The following IQUB variants were observed in gnomAD, a reference collection of about 807,000 sequenced individuals.
IQUB encodes the protein IQ motif and ubiquitin domain containing, also known as IQ motif and ubiquitin-like domain-containing protein.
A neutral mutation model predicts 86.4 loss-of-function variants in IQUB; 86 were observed. The ratio of observed to expected loss-of-function variants is 1.00; its 90% CI spans 0.84 to 1.19. The LOEUF (loss-of-function observed/expected upper bound fraction) is 1.19, where lower values mean the gene tolerates loss of function less well. IQUB is among the 50% of genes most tolerant of loss of function. The probability of loss-of-function intolerance (pLI) is 0.00; values close to 1 mark genes in which losing one functional copy is unlikely to be tolerated. For missense variants in IQUB, 946 were observed against 916.9 expected, an observed-to-expected ratio of 1.03 and a Z score of -0.41; for synonymous variants, 289 against 304.5, an observed-to-expected ratio of 0.95 and a Z score of 0.53.
At chr7:123,458,909 A>G (rs1793845916) in intron 11 of IQUB, among the ~76,000 whole-genome samples, 1 of 151,996 alleles carries the variant, frequency 6.6e-6, no homozygotes, top group Admixed American at 6.6e-5. Context: ...TACTTTTTAT[A>G]TATATTAACT....
intron 1 of IQUB, among the ~76,000 whole-genome samples, chr7:123,514,333 CAAGT>C: frequency 6.6e-6 from 1 of 152,164 alleles, no homozygotes; most frequent in East Asian, 1.9e-4. Flanking sequence ...GAAGCATTTA[CAAGT>C]TAGTTACTAA....
intron 1 of IQUB, among the ~76,000 whole-genome samples, chr7:123,528,889 T>A (rs895953033): frequency 1.3e-5 from 2 of 152,224 alleles, no homozygotes; most frequent in African/African-American, 2.4e-5. Flanking sequence ...CATATGTACA[T>A]ATTAATATGC....
chr7:123,477,727 A>G (rs1265415128), intron 8 of IQUB, among the ~76,000 whole-genome samples: 2 of 152,212 alleles, frequency 1.3e-5, no homozygotes, highest in Non-Finnish European at 2.9e-5. Flanking sequence ...TCTACACAGA[A>G]CTTAAACAAA....
intron 1 of IQUB, among the ~76,000 whole-genome samples, chr7:123,519,176 A>G (rs911099834): frequency 6.6e-6 from 1 of 152,196 alleles, no homozygotes; most frequent in Non-Finnish European, 1.5e-5. Context: ...GCAAGGATGC[A>G]AAGAAAGGGG....
At chr7:123,509,397 T>C (rs1204352290) in intron 3 of IQUB, among the ~76,000 whole-genome samples, 1 of 152,120 alleles carries the variant, frequency 6.6e-6, no homozygotes, top group Non-Finnish European at 1.5e-5. Context: ...CACATTCTCT[T>C]TCATCATCCA....
intron 11 of IQUB, among the ~76,000 whole-genome samples, chr7:123,459,427 T>A (rs1793880939): frequency 6.6e-6 from 1 of 151,952 alleles, no homozygotes; most frequent in African/African-American, 2.4e-5. Flanking sequence ...TCCAATCAGT[T>A]GAAGGCCTGA....
rs182996963 is a variant in IQUB, at chr7:123,519,231, T to C, written c.-4-6887A>G. Among the ~76,000 whole-genome samples, 543 of 152,298 alleles carry C rather than the reference T, an allele frequency of 3.6e-3. 3 individuals are homozygous for C. Among genetic ancestry groups the C allele is most frequent in the Non-Finnish European group, 5.8e-3 (394 of 68,026 alleles). Reference sequence around the variant, plus strand: ...CGGGAAATGTAAATTACTACAGCCATTGTAGAAAACAGCAGGAAGTTTCCT... The same window carrying C: ...CGGGAAATGTAAATTACTACAGCCACTGTAGAAAACAGCAGGAAGTTTCCT... On this transcript the variant is annotated intron_variant, in intron 1 of 12. Transcript: ENST00000324698.
intron 1 of IQUB, among the ~76,000 whole-genome samples, chr7:123,522,193 T>C (rs768349900): frequency 1.3e-5 from 2 of 151,868 alleles, no homozygotes; most frequent in Non-Finnish European, 2.9e-5. Context: ...CTTTCTTTGG[T>C]TTACTGTAAA....
At position 123,457,489 on chromosome 7, in the gene IQUB, A is replaced by T. The variant is rs1426387477; in HGVS notation, c.2085T>A (p.Asp695Glu). The part of the protein sequence containing the change: ...SVLSACDNLS[D>E]LVMVRWNKSL... The stretch of plus-strand genomic sequence containing the variant: ...ATTTATTCCATCTGACCATGACCAG[A>T]TCACTGAGATTGTCGCAAGCACTGA... Residue 695 changes from aspartate (D) to glutamate (E), a missense_variant, in exon 12 of 13, where the codon GAT becomes GAA. By Grantham distance (45) the Asp-to-Glu change is conservative. Transcript: ENST00000324698. 5 of 1,611,024 alleles carry T rather than the reference A, an allele frequency of 3.1e-6. No homozygotes were observed. Among genetic ancestry groups the T allele is most frequent in the Non-Finnish European group, 4.2e-6 (5 of 1,178,724 alleles).
At position 123,471,703 on chromosome 7, in the gene IQUB, A is replaced by T. The variant is rs144687429; in HGVS notation, c.1411-2319T>A. Reference sequence around the variant, plus strand: ...ATCTTGGTTTCCAAATACATTCTTCATCTAAGTCCTTTCCACCTTTCCATT... The same window carrying T: ...ATCTTGGTTTCCAAATACATTCTTCTTCTAAGTCCTTTCCACCTTTCCATT... On this transcript the variant is annotated intron_variant, in intron 8 of 12. Transcript: ENST00000324698. Among the ~76,000 whole-genome samples the T allele has an allele frequency of 2.7e-3, 404 of 152,200 alleles. 1 individual carries two copies. The highest frequency in any genetic ancestry group is 0.017 in the Middle Eastern group (5 of 292).
At chr7:123,476,301 T>A (rs1335904807) in intron 8 of IQUB, among the ~76,000 whole-genome samples, 1 of 152,166 alleles carries the variant, frequency 6.6e-6, no homozygotes, top group African/African-American at 2.4e-5. Context: ...AAGAGGCATC[T>A]GAGCTTGTTT....
rs1167523197 is a variant in IQUB at position 123,452,730 on chromosome 7, A to G, written c.*13T>C. The G allele has an allele frequency of 6.3e-7, 1 of 1,594,430 alleles. No homozygotes were observed. Among genetic ancestry groups the G allele is most frequent in the South Asian group, 1.1e-5 (1 of 89,162 alleles). On this transcript the variant is annotated 3_prime_UTR_variant, in exon 13 of 13. Transcript: ENST00000324698. Reference sequence around the variant, plus strand: ...ACAAAATGCCGATCATCAAACAAATACTCCTGGATCACCTAATGAGGAGGC... The same window carrying G: ...ACAAAATGCCGATCATCAAACAAATGCTCCTGGATCACCTAATGAGGAGGC...
chr7:123,459,191 G>A (rs904135258), intron 11 of IQUB, among the ~76,000 whole-genome samples: 21 of 151,968 alleles, frequency 1.4e-4, no homozygotes, highest in African/African-American at 5.1e-4. Context: ...CACATCTAAT[G>A]GAGATTATCC....
At chr7:123,481,534 T>TG (rs1445187816) in intron 7 of IQUB, among the ~76,000 whole-genome samples, 1 of 152,042 alleles carries the variant, frequency 6.6e-6, no homozygotes, top group Non-Finnish European at 1.5e-5. Flanking sequence ...TAAGAAACCC[T>TG]GGGGAATTTC....
chr7:123,517,327 C>A (rs1244491272), intron 1 of IQUB, among the ~76,000 whole-genome samples: 2 of 151,450 alleles, frequency 1.3e-5, no homozygotes, highest in African/African-American at 4.9e-5. Flanking sequence ...GTCAGGAGAT[C>A]GAGACCATCC....
chr7:123,458,817 T>G (rs1793842198), intron 11 of IQUB, among the ~76,000 whole-genome samples: 1 of 151,974 alleles, frequency 6.6e-6, no homozygotes, highest in African/African-American at 2.4e-5. Context: ...TATTGCCTAT[T>G]ATATTAGGCA....
rs374732816 is a variant in IQUB at position 123,512,117 on chromosome 7, T to C, written c.224A>G (p.Asn75Ser). The C allele has an allele frequency of 6.2e-7, 1 of 1,614,094 alleles. No individual in the cohort carries two copies. The highest frequency in any genetic ancestry group is 1.1e-5 in the South Asian group (1 of 91,072). The part of the protein sequence containing the change: ...DQSFSSLEPD[N>S]EQLMEEVISP... ...TATAACCTCTTCCATGAGTTGTTCA[T>C]TGTCTGGTTCCAGGCTTGAAAAGCT... The change falls in exon 2 of 13, where the codon AAT becomes AGT. Residue 75 changes from asparagine to serine, a missense_variant. Asn to Ser is a conservative substitution (Grantham distance 46, BLOSUM62 1). Coordinates refer to ENST00000324698, the MANE Select transcript of IQUB (RefSeq NM_178827.5).
chr7:123,464,843 T>C lies in IQUB; in HGVS notation c.1748A>G (p.Lys583Arg). The C allele has an allele frequency of 6.3e-7, 1 of 1,576,556 alleles. No individual in the cohort carries two copies. Residue 583 changes from lysine to arginine, a missense_variant, in exon 10 of 13, where the codon AAA (lysine) becomes AGA (arginine). Transcript: ENST00000324698. ...KTPLFNPEVAKYLKVPQDPLK... is the reference protein window; with the variant it reads ...KTPLFNPEVARYLKVPQDPLK... ...AAAAATGTAGAATACCTTAAGGTAT[T>C]TTGCAACTTCAGGATTAAACAGAGG...
At chr7:123,510,797 C>T (rs1796382567) in intron 2 of IQUB, among the ~76,000 whole-genome samples, 1 of 152,046 alleles carries the variant, frequency 6.6e-6, no homozygotes, top group South Asian at 2.1e-4. Context: ...CTTGTTTCCA[C>T]AGTTCTCTAT....
Sources: gnomAD v4.1 joint callset for allele counts (sites outside exome capture counted in the v4.1 genomes callset) on GRCh38, gnomAD v4.1.1 for gene constraint, MANE v1.5 for transcripts, NCBI Gene and HGNC (gene_info 2026-07-23, HGNC 2026-07-21) for gene names.